Variants in RIT2 observed in about 807,000 individuals in gnomAD.
RIT2 encodes GTP-binding protein Rit2.
Under a neutral mutation model 23.7 loss-of-function variants are expected in RIT2, and 24 were observed. The observed-to-expected ratio is 1.01, with a 90% CI of 0.73 to 1.43. The LOEUF (loss-of-function observed/expected upper bound fraction) is 1.43. Among genes scored for constraint, RIT2 ranks in the 40% most tolerant of loss-of-function variants. RIT2 has a pLI of 0.00. For synonymous variants in RIT2, 107 were observed against 91.1 expected (o/e 1.17, Z -0.99); for missense variants, 236 against 266.9 (o/e 0.88, Z 0.81).
At chr18:42,993,483 T>C (rs1910903578) in intron 2 of RIT2, among the ~76,000 whole-genome samples, 1 of 152,152 alleles carries the variant, frequency 6.6e-6, no homozygotes, top group Admixed American at 6.5e-5. Context: ...ATTACCTTCT[T>C]TTCAAGGGCC....
At chr18:42,827,428 GC>G (rs1906326833) in intron 4 of RIT2, among the ~76,000 whole-genome samples, 1 of 151,706 alleles carries the variant, frequency 6.6e-6, no homozygotes, top group Admixed American at 6.6e-5. Flanking sequence ...GGCTCAAAAG[GC>G]AAAAATAATG....
At chr18:43,081,491 C>G (rs920910488) in intron 1 of RIT2, among the ~76,000 whole-genome samples, 4 of 152,068 alleles carry the variant, frequency 2.6e-5, no homozygotes, top group Non-Finnish European at 5.9e-5. Context: ...GATTTGGTAA[C>G]TTCATTGTCA....
chr18:42,851,897 G>C (rs1053402542), intron 4 of RIT2, among the ~76,000 whole-genome samples: 2 of 152,128 alleles, frequency 1.3e-5, no homozygotes, highest in African/African-American at 4.8e-5. Flanking sequence ...GCAGTGCACT[G>C]TAACTCCCAT....
At chr18:42,941,461 T>G (rs1361197044) in intron 3 of RIT2, among the ~76,000 whole-genome samples, 1 of 152,144 alleles carries the variant, frequency 6.6e-6, no homozygotes, top group East Asian at 1.9e-4. Context: ...TTTCACTGTT[T>G]GCCGCCCATA....
intron 4 of RIT2, among the ~76,000 whole-genome samples, chr18:42,782,179 A>C (rs1407159627): frequency 1.3e-5 from 2 of 152,130 alleles, no homozygotes; most frequent in Non-Finnish European, 2.9e-5. Context: ...CATCCATTCA[A>C]TTGACATTTA....
At chr18:42,793,384 T>G (rs1051736974) in intron 4 of RIT2, among the ~76,000 whole-genome samples, 4 of 152,176 alleles carry the variant, frequency 2.6e-5, no homozygotes, top group African/African-American at 9.7e-5. Flanking sequence ...ATACATCTAC[T>G]CTTCCTCTGT....
intron 1 of RIT2, among the ~76,000 whole-genome samples, chr18:43,093,393 T>C (rs1913471067): frequency 6.6e-6 from 1 of 152,060 alleles, no homozygotes; most frequent in Admixed American, 6.6e-5. Flanking sequence ...TGATTTTCTG[T>C]AGCAAAAATC....
At chr18:43,103,501 C>T (rs1172676435) in intron 1 of RIT2, among the ~76,000 whole-genome samples, 1 of 151,992 alleles carries the variant, frequency 6.6e-6, no homozygotes, top group Admixed American at 6.6e-5. Context: ...AACTGTGTAA[C>T]TGTAAATAGT....
intron 4 of RIT2, among the ~76,000 whole-genome samples, chr18:42,884,236 T>C (rs1907964733): frequency 6.6e-6 from 1 of 152,184 alleles, no homozygotes; most frequent in Non-Finnish European, 1.5e-5. Flanking sequence ...ATTCTAAGGT[T>C]GCTTGTCCCC....
At chr18:42,805,524 A>G (rs533902101) in intron 4 of RIT2, among the ~76,000 whole-genome samples, 1 of 152,338 alleles carries the variant, frequency 6.6e-6, no homozygotes, top group South Asian at 2.1e-4. Flanking sequence ...AGTAAATGTC[A>G]TATATTATAT....
intron 4 of RIT2, among the ~76,000 whole-genome samples, chr18:42,755,722 A>G (rs1332508788): frequency 6.6e-6 from 1 of 152,228 alleles, no homozygotes; most frequent in Non-Finnish European, 1.5e-5. Context: ...TGTGGATGAC[A>G]TCACTGGAAC....
intron 2 of RIT2, among the ~76,000 whole-genome samples, chr18:43,008,523 T>C (rs1375438777): frequency 6.6e-6 from 1 of 151,496 alleles, no homozygotes; most frequent in East Asian, 2.0e-4. Context: ...AAGGATACTT[T>C]TTCTTATACT....
intron 2 of RIT2, among the ~76,000 whole-genome samples, chr18:42,990,913 T>TTTG (rs1491430736): frequency 3.9e-4 from 1 of 2,596 alleles, no homozygotes; most frequent in African/African-American, 4.3e-4. Context: ...ACTGGTTTTG[T>TTTG]TTTTTTTTTT....
At chr18:43,055,330 G>A (rs1912475208) in intron 1 of RIT2, among the ~76,000 whole-genome samples, 1 of 152,102 alleles carries the variant, frequency 6.6e-6, no homozygotes, top group Non-Finnish European at 1.5e-5. Context: ...GAGCTTGATG[G>A]ATGTCTGGTG....
Position 43,064,639 on chromosome 18 carries a change from C to T in RIT2, c.104-30772G>A, listed in dbSNP as rs183503311. On this transcript the variant is annotated intron_variant, in intron 1 of 4. Transcript: ENST00000326695. Reference sequence around the variant, plus strand: ...CATGTGATGTGTTTTAATACAGATACCCTTAACAATGAAGTTCTGAAAGAA... The same window carrying T: ...CATGTGATGTGTTTTAATACAGATATCCTTAACAATGAAGTTCTGAAAGAA... Among the ~76,000 whole-genome samples, 567 of 152,142 alleles carry T rather than the reference C, an allele frequency of 3.7e-3. 3 individuals are homozygous for T. Among genetic ancestry groups the T allele is most frequent in the African/African-American group, 0.012 (482 of 41,522 alleles).
chr18:43,097,579 A>G (rs1186930468), intron 1 of RIT2, among the ~76,000 whole-genome samples: 1 of 151,928 alleles, frequency 6.6e-6, no homozygotes, highest in Non-Finnish European at 1.5e-5. Context: ...GACATAAGGT[A>G]TACTTGGGAG....
At chr18:42,922,414 C>A (rs915814752) in intron 4 of RIT2, among the ~76,000 whole-genome samples, 1 of 152,052 alleles carries the variant, frequency 6.6e-6, no homozygotes, top group Non-Finnish European at 1.5e-5. Flanking sequence ...CTATTAAAAG[C>A]CAGTTCAAAT....
chr18:43,012,701 T>C (rs993050993), intron 2 of RIT2, among the ~76,000 whole-genome samples: 9 of 147,900 alleles, frequency 6.1e-5, no homozygotes, highest in African/African-American at 2.2e-4. Context: ...AGTATGATTA[T>C]AGAGAGTAAT....
intron 1 of RIT2, among the ~76,000 whole-genome samples, chr18:43,057,080 T>G: frequency 6.7e-6 from 1 of 149,066 alleles, no homozygotes. Flanking sequence ...TATAAAAATG[T>G]AGGTTGCCAG....
Sources: allele counts gnomAD v4.1 joint callset (sites outside exome capture counted in the v4.1 genomes callset), GRCh38; gene constraint gnomAD v4.1.1; transcripts MANE v1.5; gene names NCBI Gene and HGNC (gene_info 2026-07-23, HGNC 2026-07-21).